LRP1B: variants seen among roughly 807,000 people sequenced by gnomAD.
LRP1B encodes the protein LDL receptor related protein 1B.
A neutral mutation model predicts 556.6 loss-of-function variants in LRP1B; 217 were observed. The observed-to-expected ratio is 0.39, with a 90% CI of 0.35 to 0.44. LRP1B has a LOEUF of 0.44. Among genes scored for constraint, LRP1B ranks in the 20% least tolerant of loss-of-function variants. The probability of loss-of-function intolerance (pLI) is 1.00; values close to 1 mark genes in which losing one functional copy is unlikely to be tolerated. For synonymous variants in LRP1B, 2,047 were observed against 1,865.8 expected, an observed-to-expected ratio of 1.10 and a Z score of -2.50; for missense variants, 5,053 against 5,620.8, an observed-to-expected ratio of 0.90 and a Z score of 3.23.
chr2:141,247,087 T>C (rs973451771), intron 5 of LRP1B, 139 bp downstream of exon 5: 10 of 883,754 alleles, frequency 1.1e-5, no homozygotes, highest in Non-Finnish European at 1.6e-5. Flanking sequence ...TTCCTAACTA[T>C]AGAGAAGTGT....
At chr2:140,501,646 C>G (rs1314024900) in intron 55 of LRP1B, 41 bp downstream of exon 55, 2 of 1,425,192 alleles carry the variant, frequency 1.4e-6, no homozygotes, top group African/African-American at 1.4e-5. Context: ...ACCTCCAATT[C>G]TAATGTATCG....
chr2:141,313,311 C>T (rs1293571711), intron 3 of LRP1B, among the ~76,000 whole-genome samples: 1 of 151,586 alleles, frequency 6.6e-6, no homozygotes, highest in African/African-American at 2.4e-5. Context: ...AAGAGTTCTG[C>T]CACATGCATA....
At chr2:141,621,760 T>C (rs1688511969) in intron 2 of LRP1B, among the ~76,000 whole-genome samples, 3 of 152,116 alleles carry the variant, frequency 2.0e-5, no homozygotes, top group Non-Finnish European at 4.4e-5. Flanking sequence ...TTGGGTTTGA[T>C]GTGAAAATAA....
chr2:141,115,836 G>GA (rs1005794288), intron 7 of LRP1B, among the ~76,000 whole-genome samples: 12 of 152,070 alleles, frequency 7.9e-5, no homozygotes, highest in African/African-American at 2.6e-4. Context: ...TTATGAGCCA[G>GA]AAAAAAACTA....
intron 2 of LRP1B, among the ~76,000 whole-genome samples, chr2:141,545,798 C>A (rs1685529072): frequency 6.6e-6 from 1 of 151,958 alleles, no homozygotes; most frequent in African/African-American, 2.4e-5. Context: ...GACAAAAAGG[C>A]CATGAGAGAA....
rs569635290 is a variant in LRP1B, at chr2:141,545,749, G to A, written c.206-65216C>T. Among the ~76,000 whole-genome samples, 132 of 152,182 alleles carry A rather than the reference G, an allele frequency of 8.7e-4. 2 individuals carry two copies. Among genetic ancestry groups the A allele is most frequent in the African/African-American group, 3.1e-3 (127 of 41,530 alleles). On this transcript the variant is annotated intron_variant, in intron 2 of 90. Coordinates refer to ENST00000389484, the MANE Select transcript of LRP1B (RefSeq NM_018557.3). The stretch of plus-strand genomic sequence containing the variant: ...TGTGATCATAAAGAGACATGGCAAC[G>A]GAAGAATTTTAGAGAGATGTGGCAT...
At chr2:141,558,054 C>T (rs1222925273) in intron 2 of LRP1B, among the ~76,000 whole-genome samples, 2 of 151,908 alleles carry the variant, frequency 1.3e-5, no homozygotes, top group African/African-American at 4.8e-5. Flanking sequence ...GCAATGATAA[C>T]TGCAATCTCA....
At chr2:140,568,787 C>T (rs766844507) in intron 43 of LRP1B, among the ~76,000 whole-genome samples, 1 of 152,036 alleles carries the variant, frequency 6.6e-6, no homozygotes, top group South Asian at 2.1e-4. Flanking sequence ...GCAGACTTCT[C>T]AGCTAAAACC....
chr2:142,091,977 A>G (rs770364498), intron 1 of LRP1B, among the ~76,000 whole-genome samples: 37 of 152,158 alleles, frequency 2.4e-4, no homozygotes, highest in Non-Finnish European at 4.3e-4. Flanking sequence ...TAGAGAAGCT[A>G]TCTAAACCTA....
At chr2:140,413,462 C>T (rs962222600) in intron 66 of LRP1B, among the ~76,000 whole-genome samples, 1 of 152,152 alleles carries the variant, frequency 6.6e-6, no homozygotes, top group Non-Finnish European at 1.5e-5. Flanking sequence ...GACAACGCTA[C>T]ACCTAGAAAA....
At chr2:141,285,518 T>C (rs1277987993) in intron 3 of LRP1B, among the ~76,000 whole-genome samples, 1 of 135,148 alleles carries the variant, frequency 7.4e-6, no homozygotes, top group African/African-American at 2.8e-5. Context: ...TGCAATGGCT[T>C]GGCATCAGCT....
intron 41 of LRP1B, among the ~76,000 whole-genome samples, chr2:140,650,566 C>G (rs1377409611): frequency 6.6e-6 from 1 of 152,064 alleles, no homozygotes; most frequent in East Asian, 1.9e-4. Flanking sequence ...CCAGGTTGGT[C>G]TCAAACTCCT....
At chr2:141,837,171 T>C (rs972306807) in intron 1 of LRP1B, among the ~76,000 whole-genome samples, 4 of 151,898 alleles carry the variant, frequency 2.6e-5, no homozygotes, top group Admixed American at 1.3e-4. Context: ...CATAAGGATA[T>C]AGACTATCAG....
At chr2:141,905,839 G>C (rs963599746) in intron 1 of LRP1B, among the ~76,000 whole-genome samples, 4 of 147,454 alleles carry the variant, frequency 2.7e-5, no homozygotes, top group Non-Finnish European at 4.5e-5. Flanking sequence ...AAGAGGACTA[G>C]CCAAGATATT....
rs531292319 is a variant in LRP1B at position 140,500,637 on chromosome 2, T to A, written c.8850+1050A>T. On this transcript the variant is annotated intron_variant, in intron 55 of 90. Coordinates refer to ENST00000389484, the MANE Select transcript of LRP1B (RefSeq NM_018557.3). ...TTTTAAGCAACTCAGATTAAGTATG[T>A]TCCCTATTAGAATCCTTCATATACA... Among the ~76,000 whole-genome samples, 21 of 152,098 alleles carry A rather than the reference T, an allele frequency of 1.4e-4. No individual in the cohort carries two copies. The East Asian group carries it at 3.9e-3, about 28-fold the overall frequency.
chr2:141,351,351 C>G (rs1688436999), intron 3 of LRP1B, among the ~76,000 whole-genome samples: 1 of 151,894 alleles, frequency 6.6e-6, no homozygotes, highest in Non-Finnish European at 1.5e-5. Flanking sequence ...TCTTCAACAC[C>G]TTCTATTGTA....
intron 31 of LRP1B, among the ~76,000 whole-genome samples, chr2:140,836,917 G>C (rs533943619): frequency 1.3e-5 from 2 of 152,296 alleles, no homozygotes; most frequent in African/African-American, 4.8e-5. Context: ...AGCATGAGCA[G>C]CAAAGCAGTA....
chr2:140,366,575 G>A (rs1682772405), intron 71 of LRP1B, among the ~76,000 whole-genome samples: 1 of 151,690 alleles, frequency 6.6e-6, no homozygotes, highest in South Asian at 2.1e-4. Flanking sequence ...AGGTAAAGAC[G>A]AGTCTACAAA....
intron 17 of LRP1B, among the ~76,000 whole-genome samples, chr2:140,982,785 G>C (rs1170410896): frequency 2.0e-5 from 3 of 151,500 alleles, no homozygotes; most frequent in African/African-American, 7.3e-5. Flanking sequence ...TTTATTTCTT[G>C]ATCTCTAAAT....
Sources: allele counts gnomAD v4.1 joint callset (sites outside exome capture counted in the v4.1 genomes callset), GRCh38; gene constraint gnomAD v4.1.1; transcripts MANE v1.5; gene names NCBI Gene and HGNC (gene_info 2026-07-23, HGNC 2026-07-21).